CADM2: variants seen among roughly 807,000 people sequenced by gnomAD.
CADM2 encodes the protein cell adhesion molecule 2.
A neutral mutation model predicts 49.8 loss-of-function variants in CADM2; 12 were observed. The observed-to-expected ratio is 0.24, with a 90% CI of 0.15 to 0.39. The LOEUF (loss-of-function observed/expected upper bound fraction) is 0.39. CADM2 is among the 10% of genes least tolerant of loss of function. The probability of loss-of-function intolerance (pLI) is 1.00; values close to 1 mark genes in which losing one functional copy is unlikely to be tolerated. For missense variants in CADM2, 378 were observed against 492.3 expected (o/e 0.77, Z 2.20); for synonymous variants, 214 against 175.4 (o/e 1.22, Z -1.74).
At chr3:85,784,955 C>G (rs185954316) in intron 2 of CADM2, among the ~76,000 whole-genome samples, 51 of 152,194 alleles carry the variant, frequency 3.4e-4, no homozygotes, top group African/African-American at 1.2e-3. Flanking sequence ...AGGCTTCTAT[C>G]TTGTTACTTT....
rs1408130161 is a variant in CADM2, at chr3:85,897,145, C to A, written c.529+10818C>A. ...TAACATTCTTTCTACCTTATGAGTT[C>A]TTTCTTAGAGGAGGATTCTGTAATA... is the stretch of plus-strand genomic sequence containing the variant. On this transcript the variant is annotated intron_variant, in intron 5 of 9. Coordinates refer to ENST00000383699, the MANE Select transcript of CADM2 (RefSeq NM_001167675.2). 2.2e-5 allele frequency among the ~76,000 whole-genome samples: 3 copies of A among 138,388 alleles called. No individual in the cohort carries two copies. In the East Asian group the frequency reaches 7.0e-4, roughly 32 times the overall value. 90.8% of individuals were successfully genotyped at this position (138,388 alleles called of 152,430 possible). A position where few individuals can be genotyped will look rare whatever the true frequency, so the allele number is the denominator to read the frequency against.
At chr3:85,356,163 A>G (rs2031838942) in intron 1 of CADM2, among the ~76,000 whole-genome samples, 1 of 152,126 alleles carries the variant, frequency 6.6e-6, no homozygotes, top group Non-Finnish European at 1.5e-5. Flanking sequence ...ACTATCAGAT[A>G]ATTTCAACAA....
At chr3:85,858,640 C>T (rs919501007) in intron 3 of CADM2, among the ~76,000 whole-genome samples, 1 of 152,200 alleles carries the variant, frequency 6.6e-6, no homozygotes, top group African/African-American at 2.4e-5. Flanking sequence ...ATAAACTACT[C>T]CTCTATTACC....
At chr3:85,634,321 T>C (rs1469466706) in intron 1 of CADM2, among the ~76,000 whole-genome samples, 1 of 152,038 alleles carries the variant, frequency 6.6e-6, no homozygotes, top group Non-Finnish European at 1.5e-5. Context: ...TTCATATAGG[T>C]GTATATTTTA....
At chr3:85,397,951 A>G (rs965847958) in intron 1 of CADM2, among the ~76,000 whole-genome samples, 1 of 152,220 alleles carries the variant, frequency 6.6e-6, no homozygotes. Flanking sequence ...ATATGTTAGT[A>G]GCCAGATTCC....
intron 1 of CADM2, among the ~76,000 whole-genome samples, chr3:85,640,349 C>T (rs988431379): frequency 2.6e-5 from 4 of 152,128 alleles, no homozygotes; most frequent in African/African-American, 9.7e-5. Flanking sequence ...TGATTCCAGG[C>T]ATAGAATCAC....
At chr3:85,898,953 A>ATTTTTTTT (rs1415627325) in intron 5 of CADM2, among the ~76,000 whole-genome samples, 3 of 42,800 alleles carry the variant, frequency 7.0e-5, no homozygotes, top group African/African-American at 9.9e-5. Context: ...ATATATATAT[A>ATTTTTTTT]TATTTTTTTT....
At chr3:85,568,397 C>CTCTTTTCTTTCTTTCTTTCTTTCTT (rs1553743549) in intron 1 of CADM2, among the ~76,000 whole-genome samples, 3 of 52,024 alleles carry the variant, frequency 5.8e-5, no homozygotes, top group African/African-American at 1.3e-4. Flanking sequence ...TCCTTCCTCC[C>CTCTTTTCTTTCTTTCTTTCTTTCTT]TCTTTCTTTC....
intron 1 of CADM2, among the ~76,000 whole-genome samples, chr3:85,474,672 T>G (rs1236365970): frequency 6.6e-6 from 1 of 151,912 alleles, no homozygotes; most frequent in African/African-American, 2.4e-5. Flanking sequence ...AGTGCCAGAA[T>G]AAAATTTAAA....
chr3:85,908,254 C>CTT (rs898710165), intron 5 of CADM2, among the ~76,000 whole-genome samples: 29 of 65,742 alleles, frequency 4.4e-4, no homozygotes, highest in Non-Finnish European at 6.3e-4. Flanking sequence ...TTTTTTTCTT[C>CTT]TTTTTTTTTT....
rs961744405 is a variant in CADM2 at position 85,294,143 on chromosome 3, C to A, written c.61+334475C>A. ...AATCACAAGCATTCTTATACACCAA[C>A]AACAGACAAACAGAGAGCCAAATCA... is the stretch of plus-strand genomic sequence containing the variant. On this transcript the variant is annotated intron_variant, in intron 1 of 9. Coordinates refer to ENST00000383699, the MANE Select transcript of CADM2 (RefSeq NM_001167675.2). Among the ~76,000 whole-genome samples, 4 of 151,800 alleles carry A rather than the reference C, an allele frequency of 2.6e-5. No individual in the cohort carries two copies. The East Asian group carries it at 7.7e-4, about 29-fold the overall frequency.
rs56084884 is a variant in CADM2 at position 85,587,400 on chromosome 3, G to A, written c.62-139122G>A. Reference sequence around the variant, plus strand: ...TTCTATGAATTAAAGAATCCAGATAGGTAGCACCTTATCCTTATTCAAAAT... The same window carrying A: ...TTCTATGAATTAAAGAATCCAGATAAGTAGCACCTTATCCTTATTCAAAAT... On this transcript the variant is annotated intron_variant, in intron 1 of 9. Coordinates refer to ENST00000383699, the MANE Select transcript of CADM2 (RefSeq NM_001167675.2). Among the ~76,000 whole-genome samples the A allele has an allele frequency of 5.0e-3, 755 of 152,080 alleles. 4 individuals are homozygous for A. Among genetic ancestry groups the A allele is most frequent in the Non-Finnish European group, 8.6e-3 (586 of 67,964 alleles).
At chr3:85,297,410 A>G (rs2043993242) in intron 1 of CADM2, among the ~76,000 whole-genome samples, 1 of 152,064 alleles carries the variant, frequency 6.6e-6, no homozygotes, top group African/African-American at 2.4e-5. Flanking sequence ...GGAAAACAAC[A>G]GGAGTTTCCA....
chr3:85,704,197 TA>T (rs1375825262), intron 1 of CADM2, among the ~76,000 whole-genome samples: 1 of 152,184 alleles, frequency 6.6e-6, no homozygotes, highest in African/African-American at 2.4e-5. Flanking sequence ...TAGTGCCTAC[TA>T]CATGACAACT....
chr3:86,012,440 G>C (rs1223300493), intron 8 of CADM2: 3 of 445,006 alleles, frequency 6.7e-6, no homozygotes, highest in African/African-American at 2.1e-5. Flanking sequence ...CCCGCCCCTC[G>C]CCCGCGCGCC....
intron 1 of CADM2, among the ~76,000 whole-genome samples, chr3:85,576,471 C>T (rs1373121770): frequency 6.6e-6 from 1 of 152,124 alleles, no homozygotes; most frequent in Non-Finnish European, 1.5e-5. Context: ...GAGTTTAAAG[C>T]AGTGCTTCCC....
chr3:86,037,049 C>T (rs996121068), intron 8 of CADM2, among the ~76,000 whole-genome samples: 1 of 152,036 alleles, frequency 6.6e-6, no homozygotes, highest in Non-Finnish European at 1.5e-5. Context: ...AATTTTTAAC[C>T]AGGACAAGTC....
At chr3:85,776,567 C>G (rs766806628) in intron 2 of CADM2, among the ~76,000 whole-genome samples, 1 of 151,990 alleles carries the variant, frequency 6.6e-6, no homozygotes, top group Non-Finnish European at 1.5e-5. Context: ...AAATTCCCAT[C>G]TTGCCATTCT....
intron 1 of CADM2, among the ~76,000 whole-genome samples, chr3:85,145,199 A>G (rs2039701725): frequency 6.6e-6 from 1 of 152,212 alleles, no homozygotes; most frequent in Non-Finnish European, 1.5e-5. Context: ...TTGTTCACCT[A>G]CTGTGGGGAA....
Sources: allele counts gnomAD v4.1 joint callset (sites outside exome capture counted in the v4.1 genomes callset), GRCh38; gene constraint gnomAD v4.1.1; transcripts MANE v1.5; gene names NCBI Gene and HGNC (gene_info 2026-07-23, HGNC 2026-07-21).